STYXL2: variants seen among roughly 807,000 people sequenced by gnomAD.
The protein encoded by STYXL2 is serine/threonine/tyrosine interacting like 2, also known as serine/threonine/tyrosine-interacting-like protein 2.
Under a neutral mutation model 52.4 loss-of-function variants are expected in STYXL2, and 44 were observed. The observed-to-expected ratio is 0.84, with a 90% CI of 0.66 to 1.08. The LOEUF is 1.08. Among genes scored for constraint, STYXL2 ranks in the 50% least tolerant of loss-of-function variants. The pLI is 0.00. For synonymous variants in STYXL2, 604 were observed against 586.9 expected, an observed-to-expected ratio of 1.03 and a Z score of -0.42; for missense variants, 1,604 against 1,471.7, an observed-to-expected ratio of 1.09 and a Z score of -1.47.
intron 2 of STYXL2, among the ~76,000 whole-genome samples, chr1:167,096,575 A>G (rs1667288868): frequency 6.6e-6 from 1 of 152,216 alleles, no homozygotes; most frequent in East Asian, 1.9e-4. Context: ...CATCAGTATT[A>G]ACATAAAATG....
intron 5 of STYXL2, among the ~76,000 whole-genome samples, chr1:167,121,423 C>T (rs949917681): frequency 2.6e-5 from 4 of 152,248 alleles, no homozygotes; most frequent in Admixed American, 2.6e-4. Context: ...GGTCCTGGAG[C>T]GCACCGGCAG....
intron 4 of STYXL2, among the ~76,000 whole-genome samples, chr1:167,118,552 G>A (rs187562483): frequency 2.0e-5 from 3 of 152,264 alleles, no homozygotes; most frequent in East Asian, 3.9e-4. Flanking sequence ...TCATCTTACG[G>A]TCACTAAGAA....
intron 2 of STYXL2, among the ~76,000 whole-genome samples, chr1:167,099,278 C>T (rs570966540): frequency 6.6e-6 from 1 of 151,878 alleles, no homozygotes; most frequent in African/African-American, 2.4e-5. Context: ...TAAAAAAAAT[C>T]AAAAGAATCA....
intron 2 of STYXL2, among the ~76,000 whole-genome samples, chr1:167,108,546 T>C (rs1221194021): frequency 6.6e-6 from 1 of 151,042 alleles, no homozygotes; most frequent in African/African-American, 2.5e-5. Flanking sequence ...AAAACTCTAT[T>C]ATCTTCACCA....
intron 3 of STYXL2, among the ~76,000 whole-genome samples, chr1:167,116,675 G>A (rs572324733): frequency 2.2e-4 from 18 of 81,512 alleles, no homozygotes; most frequent in Middle Eastern, 8.9e-3. Flanking sequence ...TTTTGAGACA[G>A]AGTTTCGTTC....
At position 167,126,607 on chromosome 1, in the gene STYXL2, C is replaced by T. The variant is rs1168555913; in HGVS notation, c.1476C>T (p.Ser492=). ...TGCTGGAGATTGAGAAGGAGGCTTC[C>T]CGGAGGTACCACGCCAAGAGCAAGA... ...ERLLEIEKEA[S]RRYHAKSKRE... is the part of the protein sequence containing the mutation. Residue 492 remains serine (S), a synonymous_variant, in exon 6 of 6, where the codon TCC becomes TCT. Transcript: ENST00000361200. 1 of 1,613,882 alleles carries T rather than the reference C, an allele frequency of 6.2e-7. No homozygotes were observed. The highest frequency in any genetic ancestry group is 8.5e-7 in the Non-Finnish European group (1 of 1,180,014).
Position 167,113,757 on chromosome 1 carries a change from C to T in STYXL2, c.158C>T (p.Pro53Leu). The T allele has an allele frequency of 6.2e-7, 1 of 1,614,040 alleles. No individual in the cohort carries two copies. The highest frequency in any genetic ancestry group is 8.5e-7 in the Non-Finnish European group (1 of 1,179,948). The part of the protein sequence containing the change: ...DAETESIFME[P>L]IHLSSAIAAK... ...GAAACAGAAAGCATTTTCATGGAAC[C>T]CATTCACCTCTCCTCAGCCATTGCA... The change falls in exon 3 of 6, where the codon CCC becomes CTC. Residue 53 changes from proline to leucine, a missense_variant. Coordinates refer to ENST00000361200, the MANE Select transcript of STYXL2 (RefSeq NM_001080426.3).
At chr1:167,117,649 G>C in intron 4 of STYXL2, 90 bp downstream of exon 4, 1 of 1,224,062 alleles carries the variant, frequency 8.2e-7, no homozygotes, top group Non-Finnish European at 1.1e-6. Context: ...CACCAAAGGC[G>C]CCCATAGGTC....
rs770069247 is a variant in STYXL2 at position 167,126,664 on chromosome 1, A to G, written c.1533A>G (p.Ala511=). 1.9e-6 allele frequency: 3 copies of G among 1,614,008 alleles called. No homozygotes were observed. The highest frequency in any genetic ancestry group is 2.5e-6 in the Non-Finnish European group (3 of 1,180,010). The change falls in exon 6 of 6, where the codon GCA becomes GCG. Residue 511 remains alanine (A), a synonymous_variant. Coordinates refer to ENST00000361200, the MANE Select transcript of STYXL2 (RefSeq NM_001080426.3). ...REEAADRSSE[A]GSRVREDDED... is the part of the protein sequence containing the mutation. ...AGGCGGCAGACAGGAGCTCAGAAGC[A>G]GGGAGCAGGGTGCGGGAGGATGATG...
chr1:167,118,544 A>G (rs115683702), intron 4 of STYXL2, among the ~76,000 whole-genome samples: 25 of 152,346 alleles, frequency 1.6e-4, no homozygotes, highest in African/African-American at 5.3e-4. Context: ...AGAAGCATTC[A>G]TCTTACGGTC....
chr1:167,126,519 G>T lies in STYXL2; in HGVS notation c.1388G>T (p.Gly463Val). Residue 463 changes from glycine to valine, a missense_variant, in exon 6 of 6, where the codon GGC becomes GTC. Gly to Val is a moderately radical substitution (Grantham distance 109). Coordinates refer to ENST00000361200, the MANE Select transcript of STYXL2 (RefSeq NM_001080426.3). ...CTGGAGCTGAACCGCCCGGACCACG[G>T]CAGGAGGCGCCGCGCAGACTCGATG... Reference protein sequence around the residue: ...QQLELNRPDHGRRRRADSMSS... With the variant: ...QQLELNRPDHVRRRRADSMSS... 3 of 1,612,834 alleles carry T rather than the reference G, an allele frequency of 1.9e-6. No homozygotes were observed. Among genetic ancestry groups the T allele is most frequent in the Non-Finnish European group, 2.5e-6 (3 of 1,179,598 alleles).
At chr1:167,115,827 C>T (rs773166115) in intron 3 of STYXL2, among the ~76,000 whole-genome samples, 16 of 152,050 alleles carry the variant, frequency 1.1e-4, no homozygotes, top group Non-Finnish European at 1.5e-4. Context: ...GAGCTGAGCC[C>T]TGATGCAGGG....
At chr1:167,120,139 C>T (rs763694991) in intron 5 of STYXL2, among the ~76,000 whole-genome samples, 3 of 152,130 alleles carry the variant, frequency 2.0e-5, no homozygotes, top group South Asian at 4.1e-4. Flanking sequence ...GAGAACAGAC[C>T]GAGTTGGGAA....
Position 167,094,947 on chromosome 1 carries a change from C to A in STYXL2, c.98C>A (p.Pro33His). 2 of 1,603,640 alleles carry A rather than the reference C, an allele frequency of 1.2e-6. No individual in the cohort carries two copies. The highest frequency in any genetic ancestry group is 1.7e-6 in the Non-Finnish European group (2 of 1,175,496). The stretch of plus-strand genomic sequence containing the variant: ...GTGCAGGCCCACTACCTCCGAAGCC[C>A]CTCCCCTAGCCAGTAAGTGACCACT... ...RAVQAHYLRS[P>H]SPSQYSMVSD... Residue 33 changes from proline (P) to histidine (H), a missense_variant, in exon 2 of 6, where the codon CCC becomes CAC. Transcript: ENST00000361200.
At chr1:167,106,804 C>A (rs528789899) in intron 2 of STYXL2, among the ~76,000 whole-genome samples, 1 of 152,178 alleles carries the variant, frequency 6.6e-6, no homozygotes, top group African/African-American at 2.4e-5. Flanking sequence ...CCATCTGTAA[C>A]ATATTTGCCT....
intron 2 of STYXL2, among the ~76,000 whole-genome samples, chr1:167,109,224 A>C (rs12047288): frequency 0.31 from 47,019 of 152,108 alleles, 7,384 homozygotes; most frequent in Middle Eastern, 0.34. Flanking sequence ...AAGCCACCAC[A>C]GTGGGGTAGT....
chr1:167,097,353 A>G (rs1023668232), intron 2 of STYXL2, among the ~76,000 whole-genome samples: 1 of 152,238 alleles, frequency 6.6e-6, no homozygotes, highest in African/African-American at 2.4e-5. Flanking sequence ...TAGGTTTATG[A>G]TCTATGTAGA....
intron 2 of STYXL2, among the ~76,000 whole-genome samples, chr1:167,110,314 G>A (rs1423825097): frequency 2.6e-5 from 4 of 152,140 alleles, no homozygotes; most frequent in Non-Finnish European, 5.9e-5. Flanking sequence ...ACAAAGCAAG[G>A]TTCTTTAACA....
intron 2 of STYXL2, 58 bp from the exon 3 acceptor site, chr1:167,113,651 AG>A: frequency 7.7e-7 from 1 of 1,299,698 alleles, no homozygotes; most frequent in Non-Finnish European, 1.1e-6. Flanking sequence ...CTCATCTAAA[AG>A]AATGCCTTCA....
Sources: allele counts gnomAD v4.1 joint callset (sites outside exome capture counted in the v4.1 genomes callset), GRCh38; gene constraint gnomAD v4.1.1; transcripts MANE v1.5; gene names NCBI Gene and HGNC (gene_info 2026-07-23, HGNC 2026-07-21).